Variants in ACSL1 observed in about 807,000 individuals in gnomAD.
ACSL1 encodes the protein acyl-CoA synthetase long chain family member 1, also known as long-chain-fatty-acid--CoA ligase 1.
Under a neutral mutation model 98.4 loss-of-function variants are expected in ACSL1, and 41 were observed. That is an observed-to-expected ratio of 0.42 (90% confidence interval 0.32 to 0.54). The LOEUF (loss-of-function observed/expected upper bound fraction) is 0.54. Ranked by LOEUF, ACSL1 falls within the 20% of genes least tolerant of loss-of-function variation. The pLI is 0.13. For missense variants in ACSL1, 734 were observed against 883.1 expected (o/e 0.83, Z 2.14); for synonymous variants, 316 against 322.7 (o/e 0.98, Z 0.22).
chr4:184,792,037 A>C (rs1768465367), intron 2 of ACSL1, among the ~76,000 whole-genome samples: 1 of 152,156 alleles, frequency 6.6e-6, no homozygotes, highest in East Asian at 1.9e-4. Flanking sequence ...TAGCTAAATA[A>C]TTTTTTAGTT....
chr4:184,768,712 G>T (rs904239511), intron 11 of ACSL1, among the ~76,000 whole-genome samples: 4 of 152,166 alleles, frequency 2.6e-5, no homozygotes, highest in African/African-American at 9.7e-5. Flanking sequence ...GACCACAGAG[G>T]TTCTACTCTT....
intron 11 of ACSL1, 150 bp downstream of exon 11, chr4:184,770,249 A>G (rs1466577703): frequency 2.6e-6 from 4 of 1,540,596 alleles, no homozygotes; most frequent in African/African-American, 1.4e-5. Flanking sequence ...CGCACGCCAC[A>G]CTTACCTTCA....
Position 184,797,077 on chromosome 4 carries a change from A to G in ACSL1, c.195+6243T>C, listed in dbSNP as rs147996928. ...TTCCTGGACAGCTCCCTTCCTGCCC[A>G]CTCCTGGCAGTTTCCACTAAGGCTT... On this transcript the variant is annotated intron_variant, in intron 2 of 20. Coordinates refer to ENST00000281455, the MANE Select transcript of ACSL1 (RefSeq NM_001995.5). Among the ~76,000 whole-genome samples the G allele has an allele frequency of 2.3e-3, 346 of 151,644 alleles. 1 individual carries two copies. Among genetic ancestry groups the G allele is most frequent in the African/African-American group, 8.0e-3 (332 of 41,300 alleles).
At chr4:184,779,294 T>A (rs192638146) in intron 5 of ACSL1, among the ~76,000 whole-genome samples, 6 of 152,308 alleles carry the variant, frequency 3.9e-5, no homozygotes, top group African/African-American at 1.4e-4. Flanking sequence ...CTGATGGGTT[T>A]ATCAGGGGTT....
At chr4:184,765,794 A>AACACAC in intron 14 of ACSL1, 97 bp downstream of exon 14, 6 of 917,934 alleles carry the variant, frequency 6.5e-6, no homozygotes, top group African/African-American at 1.7e-5. Flanking sequence ...ATTAAGAAAG[A>AACACAC]ACACACACAC....
intron 5 of ACSL1, among the ~76,000 whole-genome samples, chr4:184,778,914 A>G (rs1765750689): frequency 6.6e-6 from 1 of 151,798 alleles, no homozygotes; most frequent in Admixed American, 6.6e-5. Flanking sequence ...GAAAGACCAC[A>G]AAACTCTAAG....
At chr4:184,778,511 T>G (rs1022343744) in intron 5 of ACSL1, among the ~76,000 whole-genome samples, 1 of 152,116 alleles carries the variant, frequency 6.6e-6, no homozygotes, top group African/African-American at 2.4e-5. Flanking sequence ...CGCCCCTATT[T>G]CCTTCAAGAT....
chr4:184,818,384 C>T (rs1224321061), intron 1 of ACSL1, among the ~76,000 whole-genome samples: 11 of 152,282 alleles, frequency 7.2e-5, no homozygotes, highest in East Asian at 1.9e-4. Flanking sequence ...TGAAACTACA[C>T]GGAAAGAAAC....
chr4:184,801,688 A>G lies in ACSL1; in HGVS notation c.195+1632T>C, dbSNP rs75441757. On this transcript the variant is annotated intron_variant, in intron 2 of 20. Coordinates refer to ENST00000281455, the MANE Select transcript of ACSL1 (RefSeq NM_001995.5). Reference sequence around the variant, plus strand: ...CTAAGCCCCACAAATTCTGAAAATCAGAGCTAAATCAATGTCTATAAACAG... The same window carrying G: ...CTAAGCCCCACAAATTCTGAAAATCGGAGCTAAATCAATGTCTATAAACAG... Among the ~76,000 whole-genome samples the G allele has an allele frequency of 3.5e-3, 526 of 152,338 alleles. 24 individuals carry two copies. In the East Asian group the frequency reaches 0.093, roughly 27 times the overall value.
Position 184,803,378 on chromosome 4 carries a change from G to A in ACSL1, c.137C>T (p.Thr46Met), listed in dbSNP as rs1444915698. ...TGGCGGCTTCAGGGGTTTGGGTCTC[G>A]TGGCGTACCAGAAGGTGGTGAGTGC... Reference protein sequence around the residue: ...FAALTTFWYATRPKPLKPPCD... With the variant: ...FAALTTFWYAMRPKPLKPPCD... The change falls in exon 2 of 21, where the codon ACG becomes ATG. Residue 46 changes from threonine (T) to methionine (M), a missense_variant. Physicochemically the swap from Thr to Met is moderately conservative, Grantham distance 81 (BLOSUM62 -1). Transcript: ENST00000281455. The surrounding 1 kb of genome is among the most constrained non-coding windows in gnomAD (Gnocchi z 4.8). 2 of 1,613,492 alleles carry A rather than the reference G, an allele frequency of 1.2e-6. No homozygotes were observed. Among genetic ancestry groups the A allele is most frequent in the Admixed American group, 1.7e-5 (1 of 59,954 alleles).
chr4:184,813,903 G>C (rs1166373700), intron 1 of ACSL1: 2 of 455,758 alleles, frequency 4.4e-6, no homozygotes, highest in Middle Eastern at 3.3e-4. Context: ...ACTGCACGCA[G>C]AGAAGGTACC....
intron 2 of ACSL1, among the ~76,000 whole-genome samples, chr4:184,796,990 C>T (rs1769501200): frequency 6.6e-6 from 1 of 152,226 alleles, no homozygotes; most frequent in South Asian, 2.1e-4. Context: ...CTTCTTCAGA[C>T]CCATCAGGCT....
chr4:184,757,238 A>C lies in ACSL1; in HGVS notation c.1984T>G (p.Leu662Val), dbSNP rs1762226546. 6.2e-7 allele frequency: 1 copy of C among 1,605,380 alleles called. No homozygotes were observed. The highest frequency in any genetic ancestry group is 1.3e-5 in the African/African-American group (1 of 74,796). Residue 662 changes from leucine (L) to valine (V), a missense_variant, in exon 21 of 21, where the codon TTA becomes GTA. Transcript: ENST00000281455. The surrounding 1 kb of genome is among the most constrained non-coding windows in gnomAD (Gnocchi z 4.5). ...QVKGITLHPE[L>V]FSIDNGLLTP... ...AGAAGGCCATTGTCGATAGAAAATA[A>C]TTCAGGGTGCAATGTGATGCCTTTG... is the stretch of plus-strand genomic sequence containing the variant.
intron 12 of ACSL1, chr4:184,767,995 AGAAGAGG>A (rs1461802593): frequency 9.5e-6 from 4 of 421,156 alleles, no homozygotes; most frequent in African/African-American, 8.2e-5. Context: ...ACAGTAGGAG[AGAAGAGG>A]TAAACAGTCC....
intron 10 of ACSL1, among the ~76,000 whole-genome samples, chr4:184,771,728 G>A (rs563246816): frequency 1.3e-5 from 2 of 152,192 alleles, no homozygotes; most frequent in Admixed American, 6.5e-5. Flanking sequence ...TCGTTACCTA[G>A]GGGATGATAT....
intron 18 of ACSL1, among the ~76,000 whole-genome samples, chr4:184,759,109 T>G (rs994165934): frequency 1.3e-5 from 2 of 152,196 alleles, no homozygotes; most frequent in African/African-American, 4.8e-5. Context: ...TAGTATTCCA[T>G]GGTGTATATG....
chr4:184,798,221 C>T (rs1769799079), intron 2 of ACSL1: 1 of 152,144 alleles, frequency 6.6e-6, no homozygotes, highest in Admixed American at 6.5e-5. Flanking sequence ...GGGTTAGTCA[C>T]CAGAAGTAAA....
chr4:184,769,070 A>AAT (rs34360556), intron 11 of ACSL1, among the ~76,000 whole-genome samples: 6,970 of 147,582 alleles, frequency 0.047, 509 homozygotes, highest in African/African-American at 0.16. Flanking sequence ...CTCTGTCTCA[A>AAT]ATATATATAT....
intron 4 of ACSL1, among the ~76,000 whole-genome samples, 192 bp downstream of exon 4, chr4:184,783,734 CT>C (rs1358858589): frequency 6.6e-6 from 1 of 152,210 alleles, no homozygotes; most frequent in Admixed American, 6.5e-5. Flanking sequence ...TTTGAACCAC[CT>C]GTTAAATTCC....
Sources: gnomAD v4.1 joint callset for allele counts (sites outside exome capture counted in the v4.1 genomes callset) on GRCh38, gnomAD v4.1.1 for gene constraint, Gnocchi (gnomAD v3.1) non-coding constraint, MANE v1.5 for transcripts, NCBI Gene and HGNC (gene_info 2026-07-23, HGNC 2026-07-21) for gene names.